JMJD1C: variants seen among roughly 807,000 people sequenced by gnomAD.
JMJD1C encodes the protein jumonji domain containing 1C.
A neutral mutation model predicts 245.3 loss-of-function variants in JMJD1C; 31 were observed. The ratio of observed to expected loss-of-function variants is 0.13; its 90% CI spans 0.09 to 0.17. JMJD1C has a LOEUF of 0.17. Among genes scored for constraint, JMJD1C ranks in the 10% least tolerant of loss-of-function variants. The probability of loss-of-function intolerance (pLI) is 1.00; values close to 1 mark genes in which losing one functional copy is unlikely to be tolerated. For missense variants in JMJD1C, 2,691 were observed against 3,000.2 expected, an observed-to-expected ratio of 0.90 and a Z score of 2.41; for synonymous variants, 1,057 against 1,017.4, an observed-to-expected ratio of 1.04 and a Z score of -0.74.
intron 1 of JMJD1C, among the ~76,000 whole-genome samples, chr10:63,473,647 CTTA>C (rs1953564105): frequency 6.6e-6 from 1 of 152,168 alleles, no homozygotes; most frequent in African/African-American, 2.4e-5. Flanking sequence ...AAGATATGAA[CTTA>C]TTGTTGTAAA....
intron 10 of JMJD1C, 147 bp from the exon 11 acceptor site, chr10:63,200,824 A>T: frequency 9.0e-6 from 6 of 668,762 alleles, no homozygotes. Flanking sequence ...CTAGGTACTG[A>T]TTAATGACTA....
At chr10:63,185,535 T>G (rs370959235) in intron 20 of JMJD1C, 28 bp downstream of exon 20, 5 of 1,320,250 alleles carry the variant, frequency 3.8e-6, no homozygotes, top group Non-Finnish European at 5.5e-6. Flanking sequence ...TCTCAAAAAG[T>G]CAAGAGTCAA....
At chr10:63,437,768 G>A (rs2132896019) in intron 1 of JMJD1C, among the ~76,000 whole-genome samples, 1 of 152,274 alleles carries the variant, frequency 6.6e-6, no homozygotes. Context: ...GGTTACCAAT[G>A]ACTCATTAGC....
intron 1 of JMJD1C, among the ~76,000 whole-genome samples, chr10:63,474,027 G>A (rs1049264090): frequency 9.9e-5 from 15 of 151,794 alleles, no homozygotes; most frequent in African/African-American, 3.4e-4. Flanking sequence ...TAGGTGACAA[G>A]AGTGAAACTC....
intron 2 of JMJD1C, among the ~76,000 whole-genome samples, chr10:63,361,012 GAACAGTTTC>G (rs1417652685): frequency 6.6e-6 from 1 of 152,060 alleles, no homozygotes; most frequent in Non-Finnish European, 1.5e-5. Flanking sequence ...CATTACAAAT[GAACAGTTTC>G]AAATATTAAC....
intron 3 of JMJD1C, among the ~76,000 whole-genome samples, chr10:63,247,961 G>C (rs1852476128): frequency 6.6e-6 from 1 of 151,948 alleles, no homozygotes; most frequent in African/African-American, 2.4e-5. Flanking sequence ...TGGTACAGTG[G>C]CTCATGACTG....
intron 1 of JMJD1C, chr10:63,521,678 G>A (rs1955250407): frequency 2.3e-6 from 2 of 868,012 alleles, no homozygotes; most frequent in Middle Eastern, 3.8e-4. Flanking sequence ...GCCTGGGCGG[G>A]GACGGGGTAG....
intron 1 of JMJD1C, among the ~76,000 whole-genome samples, chr10:63,518,931 TCCAGTTCTGTTA>T (rs1955113805): frequency 6.6e-6 from 1 of 152,236 alleles, no homozygotes; most frequent in Admixed American, 6.5e-5. Flanking sequence ...GAATTAGATC[TCCAGTTCTGTTA>T]CCAATGACCT....
Position 63,277,731 on chromosome 10 carries a change from C to CTTTTTTTTTTTTTTTTTTTTTTTTT in JMJD1C, c.334-12968_334-12967insAAAAAAAAAAAAAAAAAAAAAAAAA, listed in dbSNP as rs35442695. On this transcript the variant is annotated intron_variant, in intron 2 of 25. Transcript: ENST00000399262. Reference sequence around the variant, plus strand: ...TATTCATTGAGAGTAATTTGCATTTCTTTTTTTTTTTTTTTTTTTTTTTTG... The same window carrying CTTTTTTTTTTTTTTTTTTTTTTTTT: ...TATTCATTGAGAGTAATTTGCATTTCTTTTTTTTTTTTTTTTTTTTTTTTTTTTTTTTTTTTTTTTTTTTTTTTTG... 2.0e-4 allele frequency among the ~76,000 whole-genome samples: 13 copies of CTTTTTTTTTTTTTTTTTTTTTTTTT among 64,272 alleles called. 3 individuals are homozygous for CTTTTTTTTTTTTTTTTTTTTTTTTT. Among genetic ancestry groups the CTTTTTTTTTTTTTTTTTTTTTTTTT allele is most frequent in the African/African-American group, 4.9e-4 (7 of 14,166 alleles). The allele number at this position is 64,272 out of a possible 152,430, so 42.2% of individuals were successfully genotyped here.
At chr10:63,191,759 C>T (rs576995428) in intron 16 of JMJD1C, among the ~76,000 whole-genome samples, 4 of 151,614 alleles carry the variant, frequency 2.6e-5, no homozygotes, top group East Asian at 3.9e-4. Context: ...CTGAGGCAGG[C>T]GGATCACTTG....
At chr10:63,271,403 C>G (rs1476650529) in intron 2 of JMJD1C, among the ~76,000 whole-genome samples, 1 of 151,752 alleles carries the variant, frequency 6.6e-6, no homozygotes, top group Non-Finnish European at 1.5e-5. Flanking sequence ...GTTTCGGATC[C>G]CTGGCCTCAA....
chr10:63,458,256 C>T (rs1952544279), intron 1 of JMJD1C, among the ~76,000 whole-genome samples: 1 of 152,038 alleles, frequency 6.6e-6, no homozygotes, highest in Admixed American at 6.6e-5. Context: ...AGTCTGAAGG[C>T]AGGAGGATTG....
intron 3 of JMJD1C, among the ~76,000 whole-genome samples, chr10:63,226,409 C>T (rs1024397221): frequency 1.3e-5 from 2 of 151,832 alleles, no homozygotes; most frequent in African/African-American, 2.4e-5. Flanking sequence ...TATTTTTTCA[C>T]GTGTACAGGA....
At chr10:63,295,934 T>A (rs1859323905) in intron 2 of JMJD1C, among the ~76,000 whole-genome samples, 1 of 47,146 alleles carries the variant, frequency 2.1e-5, no homozygotes, top group African/African-American at 1.1e-4. Flanking sequence ...TGTACATGTG[T>A]ATACATATAT....
chr10:63,438,321 C>T (rs188807824), intron 1 of JMJD1C, among the ~76,000 whole-genome samples: 18 of 152,288 alleles, frequency 1.2e-4, no homozygotes, highest in African/African-American at 3.9e-4. Context: ...CAGCAACCCA[C>T]TCTTATCAAT....
At chr10:63,283,070 G>C (rs962430989) in intron 2 of JMJD1C, among the ~76,000 whole-genome samples, 1 of 152,090 alleles carries the variant, frequency 6.6e-6, no homozygotes, top group African/African-American at 2.4e-5. Flanking sequence ...CCCTCTAAAG[G>C]AATAAGACAA....
chr10:63,400,502 T>C (rs1162303952), intron 1 of JMJD1C, among the ~76,000 whole-genome samples: 3 of 152,176 alleles, frequency 2.0e-5, no homozygotes, highest in Non-Finnish European at 2.9e-5. Context: ...GCTTATTTTC[T>C]AGTTCATTGA....
intron 1 of JMJD1C, among the ~76,000 whole-genome samples, chr10:63,463,160 T>C (rs1952914812): frequency 1.3e-5 from 2 of 152,120 alleles, no homozygotes; most frequent in African/African-American, 4.8e-5. Flanking sequence ...TACTTTCTTT[T>C]TACATATTTA....
chr10:63,281,458 CTTTTTTTT>C (rs71025144), intron 2 of JMJD1C, among the ~76,000 whole-genome samples: 68 of 65,384 alleles, frequency 1.0e-3, no homozygotes, highest in African/African-American at 4.4e-3. Context: ...TGCGCCTGGC[CTTTTTTTT>C]TTTTTTTTTT....
Sources: gnomAD v4.1 joint callset for allele counts (sites outside exome capture counted in the v4.1 genomes callset) on GRCh38, gnomAD v4.1.1 for gene constraint, MANE v1.5 for transcripts, NCBI Gene and HGNC (gene_info 2026-07-23, HGNC 2026-07-21) for gene names.